Variants in PREPL observed in about 807,000 individuals in gnomAD.
PREPL encodes the protein prolyl endopeptidase like.
Under a neutral mutation model 70.6 loss-of-function variants are expected in PREPL, and 77 were observed. That is an observed-to-expected ratio of 1.09 (90% CI 0.91 to 1.32). The LOEUF (loss-of-function observed/expected upper bound fraction) is 1.32. Among genes scored for constraint, PREPL ranks in the 40% most tolerant of loss-of-function variants. PREPL has a pLI of 0.00. For missense variants in PREPL, 1,002 were observed against 778.2 expected (o/e 1.29, Z -3.42); for synonymous variants, 315 against 264.8 (o/e 1.19, Z -1.84).
intron 1 of PREPL, among the ~76,000 whole-genome samples, chr2:44,351,086 C>T (rs1676376107): frequency 6.9e-6 from 1 of 144,892 alleles, no homozygotes; most frequent in Admixed American, 6.7e-5. Flanking sequence ...ACCACGCTGG[C>T]TAATTTTTTT....
intron 1 of PREPL, among the ~76,000 whole-genome samples, chr2:44,346,893 G>A (rs1675887131): frequency 6.6e-6 from 1 of 152,070 alleles, no homozygotes; most frequent in African/African-American, 2.4e-5. Context: ...CAGCCAGAGT[G>A]ATAAGAAATA....
intron 1 of PREPL, among the ~76,000 whole-genome samples, chr2:44,358,141 G>T (rs1677250048): frequency 6.6e-6 from 1 of 152,056 alleles, no homozygotes; most frequent in African/African-American, 2.4e-5. Context: ...AAAATGAGAA[G>T]AATCTGCCCA....
intron 9 of PREPL, among the ~76,000 whole-genome samples, chr2:44,328,496 A>T (rs1217538102): frequency 6.6e-6 from 1 of 150,496 alleles, no homozygotes; most frequent in East Asian, 1.9e-4. Context: ...ACAGAGATCC[A>T]TCAGACCATT....
chr2:44,342,966 A>G (rs945524687), intron 4 of PREPL, among the ~76,000 whole-genome samples: 1 of 152,214 alleles, frequency 6.6e-6, no homozygotes, highest in Non-Finnish European at 1.5e-5. Context: ...GCCACAGGAT[A>G]TCTCCAACTA....
chr2:44,344,420 TA>T, intron 3 of PREPL, 99 bp downstream of exon 3: 5 of 945,352 alleles, frequency 5.3e-6, no homozygotes, highest in Non-Finnish European at 7.6e-6. Context: ...AAATAATCTT[TA>T]AAAAAATCTT....
At position 44,332,362 on chromosome 2, in the gene PREPL, G is replaced by A. The variant is rs949669687; in HGVS notation, c.1086+97C>T. 4.7e-5 allele frequency: 51 copies of A among 1,092,530 alleles called. 1 individual carries two copies. In the South Asian group the frequency reaches 7.2e-4, roughly 15 times the overall value. The allele number at this position is 1,092,530 out of a possible 1,614,324, so 67.7% of individuals were successfully genotyped here. A position where few individuals can be genotyped will look rare whatever the true frequency, so the allele number is the denominator to read the frequency against. The stretch of plus-strand genomic sequence containing the variant: ...ACTGTGGTCTAAGAAATCTACATTA[G>A]GAAACCGTGCTAATGTAACTCCAAC... On this transcript the variant is annotated intron_variant, in intron 8 of 13. Coordinates refer to ENST00000409411, the MANE Select transcript of PREPL (RefSeq NM_001171613.2).
chr2:44,359,642 T>C (rs758849399), intron 1 of PREPL: 1 of 1,612,980 alleles, frequency 6.2e-7, no homozygotes, highest in African/African-American at 1.3e-5. Flanking sequence ...CAAATGCTGT[T>C]TCTGCATGCA....
intron 7 of PREPL, among the ~76,000 whole-genome samples, chr2:44,333,808 A>G (rs1468829277): frequency 6.6e-6 from 1 of 152,144 alleles, no homozygotes; most frequent in South Asian, 2.1e-4. Flanking sequence ...TAGCATAGTT[A>G]TAAGCAAGCA....
Position 44,332,511 on chromosome 2 carries a change from T to G in PREPL, c.1034A>C (p.Glu345Ala), listed in dbSNP as rs1363571012. 2 of 1,614,170 alleles carry G rather than the reference T, an allele frequency of 1.2e-6. No homozygotes were observed. The highest frequency in any genetic ancestry group is 1.7e-6 in the Non-Finnish European group (2 of 1,180,014). Residue 345 changes from glutamate to alanine, a missense_variant, in exon 8 of 14, where the codon GAA becomes GCA. Glu to Ala is a moderately radical substitution (Grantham distance 107). Coordinates refer to ENST00000409411, the MANE Select transcript of PREPL (RefSeq NM_001171613.2). ...EGKLFEETGH[E>A]DPITKTSRVL... The stretch of plus-strand genomic sequence containing the variant: ...GCGACTAGTCTTTGTGATTGGGTCT[T>G]CATGCCCAGTTTCCTCAAACAGTTT...
Position 44,319,562 on chromosome 2 carries a change from TTA to T in PREPL, c.*1792_*1793del, listed in dbSNP as rs1455638624. The T allele has an allele frequency of 6.6e-6, 1 of 152,476 alleles. No individual in the cohort carries two copies. The highest frequency in any genetic ancestry group is 1.5e-5 in the Non-Finnish European group (1 of 68,270). 9.4% of individuals were successfully genotyped at this position (152,476 alleles called of 1,614,324 possible). A position where few individuals can be genotyped will look rare whatever the true frequency, so the allele number is the denominator to read the frequency against. On this transcript the variant is annotated 3_prime_UTR_variant, in exon 14 of 14. Coordinates refer to ENST00000409411, the MANE Select transcript of PREPL (RefSeq NM_001171613.2). ...GAAAGGTTAGAAGTACATCATCAAA[TTA>T]TGTTTTATATAGCTGTAAAATAAAC...
intron 13 of PREPL, 45 bp downstream of exon 13, chr2:44,321,782 A>T (rs1440155008): frequency 6.2e-7 from 1 of 1,613,590 alleles, no homozygotes; most frequent in African/African-American, 1.3e-5. Flanking sequence ...AACAACATGT[A>T]TCTAGTTCGG....
rs1002466383 is a variant in PREPL at position 44,350,163 on chromosome 2, C to T, written c.-48-3773G>A. Among the ~76,000 whole-genome samples the T allele has an allele frequency of 2.0e-5, 3 of 152,104 alleles. No homozygotes were observed. In the South Asian group the frequency reaches 6.2e-4, roughly 32 times the overall value. Reference sequence around the variant, plus strand: ...GACAATTAAAAAAATCAATCTTATTCTAAAATAAAACTTGATAAAATCAAA... The same window carrying T: ...GACAATTAAAAAAATCAATCTTATTTTAAAATAAAACTTGATAAAATCAAA... On this transcript the variant is annotated intron_variant, in intron 1 of 13. Coordinates refer to ENST00000409411, the MANE Select transcript of PREPL (RefSeq NM_001171613.2).
rs370485957 is a variant in PREPL, at chr2:44,347,996, T to C, written c.-48-1606A>G. On this transcript the variant is annotated intron_variant, in intron 1 of 13. Transcript: ENST00000409411. ...ATTATTATTTGAATTAGATTAAAATTAGCAATAATGGTTGTTATGATAGTC... is the reference window on the plus strand; with the variant it reads ...ATTATTATTTGAATTAGATTAAAATCAGCAATAATGGTTGTTATGATAGTC... Among the ~76,000 whole-genome samples, 550 of 152,308 alleles carry C rather than the reference T, an allele frequency of 3.6e-3. 1 individual carries two copies. Among genetic ancestry groups the C allele is most frequent in the African/African-American group, 0.013 (533 of 41,558 alleles).
intron 1 of PREPL, among the ~76,000 whole-genome samples, chr2:44,357,449 C>T (rs1310987812): frequency 6.6e-6 from 1 of 152,170 alleles, no homozygotes; most frequent in African/African-American, 2.4e-5. Context: ...AAGACCATGG[C>T]TTTTACATTA....
At chr2:44,329,164 G>A in intron 8 of PREPL, 52 bp from the exon 9 acceptor site, 2 of 1,418,396 alleles carry the variant, frequency 1.4e-6, no homozygotes, top group Non-Finnish European at 1.9e-6. Context: ...TATAATAACT[G>A]TTTTATCCCA....
Position 44,332,458 on chromosome 2 carries a change from C to T in PREPL, c.1086+1G>A. 1 of 1,610,150 alleles carries T rather than the reference C, an allele frequency of 6.2e-7. No homozygotes were observed. Among genetic ancestry groups the T allele is most frequent in the East Asian group, 2.2e-5 (1 of 44,852 alleles). ...CTGAAAGTGAAGATTATAAGACCTA[C>T]CTTGCTTTTGGCTTCTAGACGTAAA... On this transcript the variant is annotated splice_donor_variant, in intron 8 of 13. Coordinates refer to ENST00000409411, the MANE Select transcript of PREPL (RefSeq NM_001171613.2). LOFTEE classifies it high-confidence loss of function.
At chr2:44,361,782 C>A, upstream of PREPL, 1 of 763,070 alleles carries the variant, frequency 1.3e-6, no homozygotes, top group Non-Finnish European at 1.9e-6. Flanking sequence ...TCCGCCCTCA[C>A]TCAAGATGGC....
intron 1 of PREPL, chr2:44,360,488 T>C (rs1572600279): frequency 2.0e-5 from 3 of 152,168 alleles, no homozygotes; most frequent in Admixed American, 2.0e-4. Flanking sequence ...AAAAGGTATT[T>C]AGCGCTTTAA....
At chr2:44,357,245 A>G (rs1208455812) in intron 1 of PREPL, among the ~76,000 whole-genome samples, 1 of 152,234 alleles carries the variant, frequency 6.6e-6, no homozygotes, top group East Asian at 1.9e-4. Context: ...TATATAGGTA[A>G]TAGCTCTTTA....
Sources: gnomAD v4.1 joint callset for allele counts (sites outside exome capture counted in the v4.1 genomes callset) on GRCh38, gnomAD v4.1.1 for gene constraint, MANE v1.5 for transcripts, NCBI Gene and HGNC (gene_info 2026-07-23, HGNC 2026-07-21) for gene names.